SH3BP2: variants seen among roughly 807,000 people sequenced by gnomAD.
The protein encoded by SH3BP2 is SH3 domain-binding protein 2.
SH3BP2 carries 38 observed loss-of-function variants against 56.2 expected under a neutral mutation model. The observed-to-expected ratio is 0.68, with a 90% CI of 0.52 to 0.89. SH3BP2 has a LOEUF of 0.89. Ranked by LOEUF, SH3BP2 falls within the 40% of genes least tolerant of loss-of-function variation. The probability of loss-of-function intolerance (pLI) is 0.00; values close to 1 mark genes in which losing one functional copy is unlikely to be tolerated. For synonymous variants in SH3BP2, 346 were observed against 316.7 expected (o/e 1.09, Z -0.98); for missense variants, 748 against 762.6 (o/e 0.98, Z 0.23).
chr4:2,801,492 G>C (rs538328769), intron 1 of SH3BP2, among the ~76,000 whole-genome samples: 1 of 152,294 alleles, frequency 6.6e-6, no homozygotes, highest in African/African-American at 2.4e-5. Context: ...TCCTGGGCCT[G>C]CCTGCATCTC....
rs557792066 is a variant in SH3BP2, at chr4:2,799,183, C to G, written c.-5+6045C>G. ...CCCACAGGTGGCTCCTTCCTCCCCA[C>G]CGGAGGAGCTGCTCCCAGGCGGGAC... On this transcript the variant is annotated intron_variant, in intron 1 of 12. Coordinates refer to ENST00000503393, the MANE Select transcript of SH3BP2 (RefSeq NM_001122681.2). The G allele has an allele frequency of 5.5e-5, 54 of 985,622 alleles. 1 individual carries two copies. In the South Asian group the frequency reaches 9.4e-4, roughly 17 times the overall value. 61.1% of individuals were successfully genotyped at this position (985,622 alleles called of 1,614,324 possible).
At chr4:2,812,131 G>C in intron 1 of SH3BP2, 1 of 1,383,242 alleles carries the variant, frequency 7.2e-7, no homozygotes, top group African/African-American at 1.5e-5. Flanking sequence ...GAAGGTAGGA[G>C]TTAAAACCCG....
At chr4:2,799,646 T>G (rs231340) in intron 1 of SH3BP2, among the ~76,000 whole-genome samples, 60,189 of 152,192 alleles carry the variant, frequency 0.4, 15,742 homozygotes, top group African/African-American at 0.75. Flanking sequence ...CCAGGGCTGG[T>G]GTCCTGAGAA....
chr4:2,817,225 T>G (rs538831360), intron 1 of SH3BP2, among the ~76,000 whole-genome samples: 2 of 152,218 alleles, frequency 1.3e-5, no homozygotes, highest in Admixed American at 1.3e-4. Context: ...GTGATGGGAA[T>G]GGTGTGCGTG....
At chr4:2,819,673 G>A (rs1425157050) in intron 1 of SH3BP2, among the ~76,000 whole-genome samples, 1 of 152,198 alleles carries the variant, frequency 6.6e-6, no homozygotes, top group Admixed American at 6.5e-5. Context: ...ACTGGGACAA[G>A]AGATGAGGAA....
rs1027702716 is a variant in SH3BP2 at position 2,835,585 on chromosome 4, C to T, written c.*1751C>T. The T allele has an allele frequency of 1.3e-5, 2 of 152,162 alleles. No individual in the cohort carries two copies. Among genetic ancestry groups the T allele is most frequent in the Non-Finnish European group, 2.9e-5 (2 of 68,044 alleles). The allele number at this position is 152,162 out of a possible 1,614,324, so 9.4% of individuals were successfully genotyped here. ...CTTGCTTAGGGAGTCATGCCACTCC[C>T]CACTGTGGCCATAGTTTCTCTTCCT... On this transcript the variant is annotated 3_prime_UTR_variant, in exon 13 of 13. Coordinates refer to ENST00000503393, the MANE Select transcript of SH3BP2 (RefSeq NM_001122681.2).
intron 1 of SH3BP2, among the ~76,000 whole-genome samples, chr4:2,802,504 G>T (rs1723334091): frequency 7.1e-6 from 1 of 141,340 alleles, no homozygotes; most frequent in Non-Finnish European, 1.5e-5. Flanking sequence ...GTATATATAT[G>T]TTTGTATATA....
chr4:2,796,412 TG>T (rs1212469504), intron 1 of SH3BP2: 2 of 985,362 alleles, frequency 2.0e-6, no homozygotes, highest in African/African-American at 3.5e-5. Context: ...GGTCAGGCCC[TG>T]CTTGGTTTCC....
At chr4:2,813,286 G>A (rs921140658) in intron 1 of SH3BP2, among the ~76,000 whole-genome samples, 18 of 152,230 alleles carry the variant, frequency 1.2e-4, no homozygotes, top group African/African-American at 2.4e-4. Flanking sequence ...GTGCTGGGCC[G>A]GGGGTGGTGC....
At chr4:2,818,783 G>C in intron 1 of SH3BP2, 3 of 987,460 alleles carry the variant, frequency 3.0e-6, no homozygotes, top group Non-Finnish European at 3.6e-6. Flanking sequence ...CAGAGGGGCT[G>C]TCTTTGGGTG....
intron 1 of SH3BP2, among the ~76,000 whole-genome samples, chr4:2,800,211 T>G (rs1042620451): frequency 3.3e-5 from 5 of 151,598 alleles, no homozygotes; most frequent in African/African-American, 1.2e-4. Context: ...GGGGTGGCAT[T>G]GGCCCTGGTG....
chr4:2,795,995 C>T (rs1000358239), intron 1 of SH3BP2, among the ~76,000 whole-genome samples: 2 of 152,152 alleles, frequency 1.3e-5, no homozygotes, highest in African/African-American at 4.8e-5. Flanking sequence ...TGGCTGGCCC[C>T]CTTCCCTGGG....
intron 1 of SH3BP2, among the ~76,000 whole-genome samples, chr4:2,801,129 A>G (rs1416695862): frequency 6.6e-6 from 1 of 152,188 alleles, no homozygotes; most frequent in Non-Finnish European, 1.5e-5. Context: ...ACCGGGGCCC[A>G]GACTGCAGGG....
Position 2,824,716 on chromosome 4 carries a change from G to T in SH3BP2, c.343G>T (p.Glu115Ter), listed in dbSNP as rs749467680. Residue 115 changes from glutamate (E) to a stop codon, truncating the protein, a stop_gained, in exon 4 of 13, where the codon GAG becomes TAG. Coordinates refer to ENST00000503393, the MANE Select transcript of SH3BP2 (RefSeq NM_001122681.2). LOFTEE classifies it high-confidence loss of function. ...HRTWFFSASS[E>*]EERKSWMALL... ...CACGTGGTTCTTCTCGGCCTCCTCCGAGGAGGAGCGCAAGGTGACTGGGGG... is the reference window on the plus strand; with the variant it reads ...CACGTGGTTCTTCTCGGCCTCCTCCTAGGAGGAGCGCAAGGTGACTGGGGG... The T allele has an allele frequency of 3.1e-6, 5 of 1,611,546 alleles. No homozygotes were observed. The highest frequency in any genetic ancestry group is 4.2e-6 in the Non-Finnish European group (5 of 1,178,026).
intron 5 of SH3BP2, among the ~76,000 whole-genome samples, chr4:2,826,139 G>A (rs958621945): frequency 2.6e-5 from 4 of 152,278 alleles, no homozygotes; most frequent in Non-Finnish European, 4.4e-5. Flanking sequence ...CACAGTCAGG[G>A]CGGCCATCCT....
intron 3 of SH3BP2, chr4:2,823,515 G>A (rs1182910745): frequency 1.1e-5 from 5 of 456,590 alleles, no homozygotes; most frequent in Admixed American, 2.4e-5. Flanking sequence ...TCCTGGGCTG[G>A]GCTCTATCCA....
Position 2,798,395 on chromosome 4 carries a change from T to C in SH3BP2, c.-5+5257T>C, listed in dbSNP as rs1723128575. Reference sequence around the variant, plus strand: ...GGATTTCTCACCATTAGGAGGGCAATGGGGAAAGATCCAGAAAAGCTGGCC... The same window carrying C: ...GGATTTCTCACCATTAGGAGGGCAACGGGGAAAGATCCAGAAAAGCTGGCC... On this transcript the variant is annotated intron_variant, in intron 1 of 12. Coordinates refer to ENST00000503393, the MANE Select transcript of SH3BP2 (RefSeq NM_001122681.2). 2.0e-5 allele frequency among the ~76,000 whole-genome samples: 3 copies of C among 152,178 alleles called. No individual in the cohort carries two copies. The South Asian group carries it at 6.2e-4, about 32-fold the overall frequency.
Position 2,826,684 on chromosome 4 carries a change from T to TGTTGCTCTGTGTGTGTGTGCATGTCCG in SH3BP2, c.429-546_429-545insGTTGCTCTGTGTGTGTGTGCATGTCCG, listed in dbSNP as rs1560108436. 329 of 336,122 alleles carry TGTTGCTCTGTGTGTGTGTGCATGTCCG rather than the reference T, an allele frequency of 9.8e-4. 3 individuals carry two copies. Among genetic ancestry groups the TGTTGCTCTGTGTGTGTGTGCATGTCCG allele is most frequent in the African/African-American group, 6.4e-3 (263 of 41,312 alleles). The allele number at this position is 336,122 out of a possible 1,614,324, so 20.8% of individuals were successfully genotyped here. A position where few individuals can be genotyped will look rare whatever the true frequency, so the allele number is the denominator to read the frequency against. On this transcript the variant is annotated intron_variant, in intron 5 of 12. Coordinates refer to ENST00000503393, the MANE Select transcript of SH3BP2 (RefSeq NM_001122681.2). The stretch of plus-strand genomic sequence containing the variant: ...TGTTGCTCTGTGTGTGTGCATGTCC[T>TGTTGCTCTGTGTGTGTGTGCATGTCCG]CATGTTGCTCTGTGTGTGTGTGCAT...
intron 6 of SH3BP2, 119 bp downstream of exon 6, chr4:2,827,437 T>C: frequency 4.2e-6 from 5 of 1,192,564 alleles, no homozygotes; most frequent in South Asian, 2.5e-5. Context: ...CCTTTGGCAG[T>C]GCGCAGTAGC....
Sources: allele counts gnomAD v4.1 joint callset (sites outside exome capture counted in the v4.1 genomes callset), GRCh38; gene constraint gnomAD v4.1.1; transcripts MANE v1.5; gene names NCBI Gene and HGNC (gene_info 2026-07-23, HGNC 2026-07-21).